RTN1: variants seen among roughly 807,000 people sequenced by gnomAD.
The protein encoded by RTN1 is reticulon-1.
In RTN1, 25 loss-of-function variants were observed where a neutral mutation model predicts 65.5. That is an observed-to-expected ratio of 0.38 (90% CI 0.28 to 0.53). The LOEUF is 0.53. RTN1 is among the 20% of genes least tolerant of loss of function. The probability of loss-of-function intolerance (pLI) is 0.79; values close to 1 mark genes in which losing one functional copy is unlikely to be tolerated. For synonymous variants in RTN1, 471 were observed against 447.6 expected (o/e 1.05, Z -0.66); for missense variants, 983 against 1,025.4 (o/e 0.96, Z 0.57).
At chr14:59,833,334 A>G (rs1887158770) in intron 1 of RTN1, among the ~76,000 whole-genome samples, 1 of 152,242 alleles carries the variant, frequency 6.6e-6, no homozygotes, top group South Asian at 2.1e-4. Context: ...ATTTATATCC[A>G]AATGAATTCC....
chr14:59,824,166 T>C (rs1001007011), intron 1 of RTN1, among the ~76,000 whole-genome samples: 6 of 152,392 alleles, frequency 3.9e-5, no homozygotes, highest in African/African-American at 1.4e-4. Flanking sequence ...ATGATAACTA[T>C]GATATCTACT....
chr14:59,677,588 T>C (rs181583480), intron 3 of RTN1, among the ~76,000 whole-genome samples: 14 of 152,280 alleles, frequency 9.2e-5, no homozygotes, highest in South Asian at 6.2e-4. Flanking sequence ...AATATTAATA[T>C]TGGAGACTTT....
At chr14:59,731,414 C>T (rs190606117) in intron 2 of RTN1, among the ~76,000 whole-genome samples, 3 of 151,962 alleles carry the variant, frequency 2.0e-5, no homozygotes, top group African/African-American at 7.3e-5. Context: ...AAATTTATTG[C>T]AGTGATGGAT....
chr14:59,790,513 T>C lies in RTN1; in HGVS notation c.242-44032A>G, dbSNP rs920223966. Among the ~76,000 whole-genome samples, 6 of 152,166 alleles carry C rather than the reference T, an allele frequency of 3.9e-5. No homozygotes were observed. The highest frequency in any genetic ancestry group is 8.8e-5 in the Non-Finnish European group (6 of 68,008). ...TGATTGCTGCCTTGGAAAATTCTGA[T>C]AGAAGCCTGATTTTTCCTCTTCTAG... On this transcript the variant is annotated intron_variant, in intron 1 of 8. Transcript: ENST00000267484. This position sits in a 1 kb window ranked among gnomAD's most constrained non-coding sequence, Gnocchi z 4.1.
chr14:59,703,192 C>T (rs1225807632), intron 3 of RTN1, among the ~76,000 whole-genome samples: 2 of 152,106 alleles, frequency 1.3e-5, no homozygotes, highest in East Asian at 3.9e-4. Context: ...TTCTAGCATA[C>T]TATATAATTT....
chr14:59,771,323 G>A (rs1405982796), intron 1 of RTN1, among the ~76,000 whole-genome samples: 1 of 152,182 alleles, frequency 6.6e-6, no homozygotes, highest in African/African-American at 2.4e-5. Flanking sequence ...CCAATGGGTT[G>A]ACTAAGAATA....
At chr14:59,810,698 A>G (rs576994311) in intron 1 of RTN1, among the ~76,000 whole-genome samples, 10 of 152,334 alleles carry the variant, frequency 6.6e-5, no homozygotes, top group Non-Finnish European at 1.2e-4. Context: ...ACACTCAAGG[A>G]AAGTTACCAG....
At chr14:59,850,725 G>A (rs186232165) in intron 1 of RTN1, among the ~76,000 whole-genome samples, 1 of 152,282 alleles carries the variant, frequency 6.6e-6, no homozygotes, top group African/African-American at 2.4e-5. Flanking sequence ...AACAATAATT[G>A]ATAGAGAATA....
intron 8 of RTN1, among the ~76,000 whole-genome samples, chr14:59,599,914 A>C (rs1881527147): frequency 6.6e-6 from 1 of 152,210 alleles, no homozygotes; most frequent in African/African-American, 2.4e-5. Flanking sequence ...GTAAAATTAC[A>C]AGCTACTTTG....
intron 3 of RTN1, among the ~76,000 whole-genome samples, chr14:59,627,319 G>C (rs1882426232): frequency 6.6e-6 from 1 of 152,232 alleles, no homozygotes. Context: ...AGGGTCTCTG[G>C]AGACAGCCCA....
intron 1 of RTN1, among the ~76,000 whole-genome samples, chr14:59,819,778 G>T (rs574962910): frequency 2.2e-4 from 34 of 152,278 alleles, no homozygotes; most frequent in African/African-American, 7.9e-4. Flanking sequence ...ACAGTGCTGG[G>T]GGACCCGGTG....
intron 1 of RTN1, among the ~76,000 whole-genome samples, chr14:59,824,227 G>A (rs1241734487): frequency 1.3e-5 from 2 of 152,106 alleles, no homozygotes; most frequent in Non-Finnish European, 2.9e-5. Context: ...CTCCTATTAA[G>A]TTTTATGTAT....
intron 1 of RTN1, among the ~76,000 whole-genome samples, chr14:59,822,360 C>A (rs1026456648): frequency 6.6e-6 from 1 of 152,074 alleles, no homozygotes; most frequent in Non-Finnish European, 1.5e-5. Context: ...AGTAATGTTG[C>A]TTTTGTCATT....
intron 1 of RTN1, among the ~76,000 whole-genome samples, chr14:59,750,142 A>C (rs1461870987): frequency 8.3e-5 from 5 of 60,428 alleles, no homozygotes; most frequent in Admixed American, 3.1e-4. Context: ...AATATATAAT[A>C]TATATATTAT....
intron 3 of RTN1, among the ~76,000 whole-genome samples, chr14:59,706,553 T>C (rs555850186): frequency 6.7e-6 from 1 of 150,124 alleles, no homozygotes; most frequent in Non-Finnish European, 1.5e-5. Context: ...GTAACTCACA[T>C]GCAGTAGTTG....
At chr14:59,801,233 C>T (rs1048650766) in intron 1 of RTN1, among the ~76,000 whole-genome samples, 2 of 152,128 alleles carry the variant, frequency 1.3e-5, no homozygotes, top group African/African-American at 4.8e-5. Flanking sequence ...CAAAAAATCA[C>T]TGATTCAAGA....
rs1274382029 is a variant in RTN1, at chr14:59,836,429, C to T, written c.241+33961G>A. Among the ~76,000 whole-genome samples, 2 of 152,220 alleles carry T rather than the reference C, an allele frequency of 1.3e-5. No homozygotes were observed. The highest frequency in any genetic ancestry group is 2.9e-5 in the Non-Finnish European group (2 of 68,050). ...CACAGAGAGATTAAGGAACTCCCCA[C>T]ATCACACAACTAATTTTTCCAGTTC... On this transcript the variant is annotated intron_variant, in intron 1 of 8. Coordinates refer to ENST00000267484, the MANE Select transcript of RTN1 (RefSeq NM_021136.3). The surrounding 1 kb of genome is among the most constrained non-coding windows in gnomAD (Gnocchi z 4.9).
chr14:59,651,410 G>A (rs1016396881), intron 3 of RTN1, among the ~76,000 whole-genome samples: 4 of 151,972 alleles, frequency 2.6e-5, no homozygotes, highest in African/African-American at 9.7e-5. Context: ...AGACTTAAAT[G>A]TAAAACCCAA....
At chr14:59,747,537 A>T (rs902050034) in intron 1 of RTN1, among the ~76,000 whole-genome samples, 6 of 152,188 alleles carry the variant, frequency 3.9e-5, no homozygotes, top group African/African-American at 1.4e-4. Flanking sequence ...TGAACCCAGG[A>T]GGAGGTTGCG....
Sources: gnomAD v4.1 joint callset for allele counts (sites outside exome capture counted in the v4.1 genomes callset) on GRCh38, gnomAD v4.1.1 for gene constraint, Gnocchi (gnomAD v3.1) non-coding constraint, MANE v1.5 for transcripts, NCBI Gene and HGNC (gene_info 2026-07-23, HGNC 2026-07-21) for gene names.